Variants in PARP14 observed in about 807,000 individuals in gnomAD.
The protein encoded by PARP14 is protein mono-ADP-ribosyltransferase PARP14.
Under a neutral mutation model 154.2 loss-of-function variants are expected in PARP14, and 59 were observed. The observed-to-expected ratio is 0.38, with a 90% confidence interval of 0.31 to 0.48. PARP14 has a LOEUF of 0.48. PARP14 is among the 20% of genes least tolerant of loss of function. The probability of loss-of-function intolerance (pLI) is 0.98; values close to 1 mark genes in which losing one functional copy is unlikely to be tolerated. For synonymous variants in PARP14, 720 were observed against 780.5 expected (o/e 0.92, Z 1.29); for missense variants, 1,734 against 2,131.6 (o/e 0.81, Z 3.67).
intron 15 of PARP14, among the ~76,000 whole-genome samples, chr3:122,725,927 T>A (rs1441090049): frequency 6.6e-6 from 1 of 152,312 alleles, no homozygotes; most frequent in East Asian, 1.9e-4. Context: ...TTGTTAGTTA[T>A]ACATTCTAAT....
At chr3:122,688,858 T>C (rs1253093453) in intron 3 of PARP14, among the ~76,000 whole-genome samples, 1 of 152,054 alleles carries the variant, frequency 6.6e-6, no homozygotes, top group Admixed American at 6.5e-5. Flanking sequence ...CGAAACCTCA[T>C]GCAAAAAGTT....
At chr3:122,708,003 C>G (rs1282092189) in intron 8 of PARP14, among the ~76,000 whole-genome samples, 187 bp from the exon 9 acceptor site, 2 of 152,128 alleles carry the variant, frequency 1.3e-5, no homozygotes, top group East Asian at 3.8e-4. Context: ...TCATTAGACA[C>G]ATTTATAGAA....
intron 15 of PARP14, chr3:122,722,118 G>A (rs1576602590): frequency 6.6e-6 from 1 of 152,180 alleles, no homozygotes; most frequent in African/African-American, 2.4e-5. Flanking sequence ...TCACAATACT[G>A]AGACTGACTC....
chr3:122,700,015 G>A lies in PARP14; in HGVS notation c.1461G>A (p.Leu487=). ...RYFLLCHSSL[L]DHLLTECPEI... ...TTCTTTTGTGTCACAGCAGTCTACT[G>A]GACCATTTACTCACGGAGTGCCCAG... The change falls in exon 6 of 17, where the codon CTG becomes CTA. Residue 487 remains leucine, a synonymous_variant. Coordinates refer to ENST00000474629, the MANE Select transcript of PARP14 (RefSeq NM_017554.3). The A allele has an allele frequency of 6.2e-7, 1 of 1,613,866 alleles. No homozygotes were observed. Among genetic ancestry groups the A allele is most frequent in the Non-Finnish European group, 8.5e-7 (1 of 1,179,816 alleles).
At chr3:122,683,972 G>A (rs971463654) in intron 1 of PARP14, among the ~76,000 whole-genome samples, 2 of 152,188 alleles carry the variant, frequency 1.3e-5, no homozygotes, top group Non-Finnish European at 2.9e-5. Context: ...CCCTTCAGGA[G>A]TTTGTGTGGA....
intron 8 of PARP14, among the ~76,000 whole-genome samples, chr3:122,705,576 C>T (rs1188301524): frequency 2.6e-5 from 4 of 152,194 alleles, no homozygotes; most frequent in African/African-American, 7.2e-5. Context: ...GGCAGCACAA[C>T]AGGCTTTTAA....
intron 8 of PARP14, among the ~76,000 whole-genome samples, chr3:122,707,201 C>G (rs1018730880): frequency 6.6e-6 from 1 of 151,804 alleles, no homozygotes; most frequent in African/African-American, 2.4e-5. Context: ...GGCAGATCAC[C>G]TGAGGTCAGG....
intron 9 of PARP14, among the ~76,000 whole-genome samples, chr3:122,710,542 C>T (rs1939291854): frequency 6.6e-6 from 1 of 151,884 alleles, no homozygotes; most frequent in Admixed American, 6.6e-5. Context: ...TATATGGGCT[C>T]TTTTTTGGTT....
At chr3:122,723,386 T>A (rs1933207140) in intron 15 of PARP14, among the ~76,000 whole-genome samples, 1 of 152,192 alleles carries the variant, frequency 6.6e-6, no homozygotes, top group African/African-American at 2.4e-5. Flanking sequence ...ATTTAAAAAA[T>A]TATTTTTCAT....
intron 9 of PARP14, 90 bp downstream of exon 9, chr3:122,708,358 G>GAA: frequency 2.9e-6 from 2 of 678,294 alleles, no homozygotes; most frequent in Non-Finnish European, 5.1e-6. Flanking sequence ...TAATTTTTAT[G>GAA]AAAAAAAAAT....
chr3:122,726,997 GA>G (rs71136587), intron 15 of PARP14, among the ~76,000 whole-genome samples: 318 of 132,860 alleles, frequency 2.4e-3, no homozygotes, highest in African/African-American at 2.9e-3. Context: ...CCCAAAACTG[GA>G]AAAAAAAAAA....
chr3:122,712,240 C>CTTTTTTTTTTTTTTTTTTT (rs55876947), intron 9 of PARP14, among the ~76,000 whole-genome samples: 3 of 138,358 alleles, frequency 2.2e-5, no homozygotes, highest in Non-Finnish European at 1.6e-5. Flanking sequence ...GGATTCACAT[C>CTTTTTTTTTTTTTTTTTTT]TTTTTTTTTT....
Position 122,708,191 on chromosome 3 carries a change from C to T in PARP14, c.3542C>T (p.Ala1181Val), listed in dbSNP as rs1314804043. 1 of 1,533,416 alleles carries T rather than the reference C, an allele frequency of 6.5e-7. No homozygotes were observed. Among genetic ancestry groups the T allele is most frequent in the Non-Finnish European group, 8.9e-7 (1 of 1,124,208 alleles). The allele number at this position is 1,533,416 out of a possible 1,614,324, so 95.0% of individuals were successfully genotyped here. The change falls in exon 9 of 17, where the codon GCA (alanine) becomes GTA (valine). Residue 1181 changes from alanine (A) to valine (V), a missense_variant and splice_region_variant. Coordinates refer to ENST00000474629, the MANE Select transcript of PARP14 (RefSeq NM_017554.3). ...ATCAACGCTGTGTTTATATTTCAGG[C>T]ATTTTCAGATGAATTTGCCAGAAGG... Reference protein sequence around the residue: ...LHPSDHENIQAFSDEFARRAN... With the variant: ...LHPSDHENIQVFSDEFARRAN...
chr3:122,683,372 C>G, intron 1 of PARP14: 1 of 625,290 alleles, frequency 1.6e-6, no homozygotes, highest in Non-Finnish European at 2.0e-6. Flanking sequence ...AAGAATGAGC[C>G]CACCAGCACT....
chr3:122,697,323 A>G (rs1560057300), intron 5 of PARP14, among the ~76,000 whole-genome samples: 1 of 152,196 alleles, frequency 6.6e-6, no homozygotes, highest in Admixed American at 6.5e-5. Flanking sequence ...GTGCATTCAG[A>G]CAGTCTTATG....
intron 8 of PARP14, 64 bp from the exon 9 acceptor site, chr3:122,708,126 C>T (rs1485751855): frequency 2.4e-6 from 2 of 847,280 alleles, no homozygotes; most frequent in South Asian, 1.5e-5. Flanking sequence ...ACAAAACACC[C>T]TGATGATTCC....
At chr3:122,697,864 G>A (rs1029594908) in intron 5 of PARP14, among the ~76,000 whole-genome samples, 6 of 152,190 alleles carry the variant, frequency 3.9e-5, no homozygotes, top group African/African-American at 1.4e-4. Flanking sequence ...GGCATATTAA[G>A]GTGACATCTG....
Position 122,714,273 on chromosome 3 carries a change from A to G in PARP14, c.3844A>G (p.Lys1282Glu). ...RECSQQAQQR[K>E]NDYIITGGGF... ...TCTGTGTTTCCCAGCTCAGCAGCGC[A>G]AAAATGATTATATAATCACCGGAGG... The change falls in exon 12 of 17, where the codon AAA (lysine) becomes GAA (glutamate). Residue 1282 changes from lysine to glutamate, a missense_variant. Lys to Glu is a moderately conservative substitution (Grantham distance 56). This residue lies in a region of PARP14 where 1,646 missense variants were observed against 1,976.0 expected (regional missense o/e 0.83). Coordinates refer to ENST00000474629, the MANE Select transcript of PARP14 (RefSeq NM_017554.3). 4 of 1,597,428 alleles carry G rather than the reference A, an allele frequency of 2.5e-6. No homozygotes were observed. Among genetic ancestry groups the G allele is most frequent in the Non-Finnish European group, 2.6e-6 (3 of 1,175,394 alleles).
chr3:122,685,383 A>G (rs540475513), intron 2 of PARP14, 65 bp downstream of exon 2: 2 of 1,437,560 alleles, frequency 1.4e-6, no homozygotes, highest in South Asian at 1.2e-5. Flanking sequence ...GATGGGAATC[A>G]CCATGAAGAA....
Sources: allele counts gnomAD v4.1 joint callset (sites outside exome capture counted in the v4.1 genomes callset), GRCh38; gene constraint gnomAD v4.1.1; regional missense constraint gnomAD v4.1.1; transcripts MANE v1.5; gene names NCBI Gene and HGNC (gene_info 2026-07-23, HGNC 2026-07-21).